Variants in FAM216A observed in about 807,000 individuals in gnomAD.
FAM216A encodes the protein protein FAM216A.
In FAM216A, 26 loss-of-function variants were observed where a neutral mutation model predicts 37.6. The observed-to-expected ratio is 0.69, with a 90% confidence interval of 0.51 to 0.96. FAM216A has a LOEUF of 0.96. Among genes scored for constraint, FAM216A ranks in the 40% least tolerant of loss-of-function variants. FAM216A has a pLI of 0.00. For synonymous variants in FAM216A, 110 were observed against 121.7 expected (o/e 0.90, Z 0.64); for missense variants, 326 against 339.3 (o/e 0.96, Z 0.31).
At chr12:110,487,678 T>C (rs2062784795) in intron 5 of FAM216A, 183 bp from the exon 6 acceptor site, 1 of 589,054 alleles carries the variant, frequency 1.7e-6, no homozygotes, top group Non-Finnish European at 3.0e-6. Flanking sequence ...GCAGCATGAG[T>C]ATTGAAATTG....
intron 2 of FAM216A, among the ~76,000 whole-genome samples, chr12:110,477,638 G>T (rs1189713947): frequency 6.6e-6 from 1 of 152,056 alleles, no homozygotes; most frequent in African/African-American, 2.4e-5. Flanking sequence ...TTACAGGCGT[G>T]AGTCAACGCG....
Position 110,487,948 on chromosome 12 carries a change from A to G in FAM216A, c.703+5A>G. 1 of 1,546,150 alleles carries G rather than the reference A, an allele frequency of 6.5e-7. No homozygotes were observed. The highest frequency in any genetic ancestry group is 2.2e-5 in the East Asian group (1 of 44,524). Reference sequence around the variant, plus strand: ...GGAAACTGTTCATGCAAACAGGTAAATGTGGAAATTTAACAATATTCATTT... The same window carrying G: ...GGAAACTGTTCATGCAAACAGGTAAGTGTGGAAATTTAACAATATTCATTT... On this transcript the variant is annotated splice_donor_5th_base_variant and intron_variant, in intron 6 of 6. Coordinates refer to ENST00000377673, the MANE Select transcript of FAM216A (RefSeq NM_013300.3).
At chr12:110,481,437 C>G (rs2062746424) in intron 2 of FAM216A, among the ~76,000 whole-genome samples, 1 of 152,110 alleles carries the variant, frequency 6.6e-6, no homozygotes, top group African/African-American at 2.4e-5. Context: ...CTCTGCCTGC[C>G]AGGTTCAAGT....
At chr12:110,474,971 A>T (rs1478512844) in intron 2 of FAM216A, among the ~76,000 whole-genome samples, 1 of 152,008 alleles carries the variant, frequency 6.6e-6, no homozygotes, top group East Asian at 1.9e-4. Flanking sequence ...CAGCCTGGGC[A>T]ACAAGAGTGA....
chr12:110,482,462 T>G (rs2062752646), intron 2 of FAM216A, among the ~76,000 whole-genome samples: 1 of 151,870 alleles, frequency 6.6e-6, no homozygotes, highest in African/African-American at 2.4e-5. Context: ...TATCAACAGG[T>G]ACATAATCAA....
chr12:110,469,355 G>A (rs909258744), intron 1 of FAM216A: 9 of 269,392 alleles, frequency 3.3e-5, no homozygotes, highest in African/African-American at 2.0e-4. Context: ...GCACAGGACT[G>A]TGTGTCCACC....
Position 110,486,899 on chromosome 12 carries a change from G to A in FAM216A, c.620+182G>A, listed in dbSNP as rs527918564. On this transcript the variant is annotated intron_variant, in intron 5 of 6. Coordinates refer to ENST00000377673, the MANE Select transcript of FAM216A (RefSeq NM_013300.3). Reference sequence around the variant, plus strand: ...GACTCCCAAGTAGCTAGGGCTAAAGGCACAAACCACCATGCCCTGCTAGTT... The same window carrying A: ...GACTCCCAAGTAGCTAGGGCTAAAGACACAAACCACCATGCCCTGCTAGTT... The A allele has an allele frequency of 4.7e-5, 27 of 575,668 alleles. No homozygotes were observed. The African/African-American group carries it at 4.9e-4, about 10-fold the overall frequency. 35.7% of individuals were successfully genotyped at this position (575,668 alleles called of 1,614,324 possible). A position where few individuals can be genotyped will look rare whatever the true frequency, so the allele number is the denominator to read the frequency against.
chr12:110,470,352 C>T (rs954934213), intron 1 of FAM216A, among the ~76,000 whole-genome samples: 4 of 151,984 alleles, frequency 2.6e-5, no homozygotes, highest in Admixed American at 1.3e-4. Context: ...CCCGCATGGC[C>T]GTCCTTTTTG....
intron 2 of FAM216A, among the ~76,000 whole-genome samples, chr12:110,481,571 C>G (rs1409797899): frequency 6.6e-6 from 1 of 151,582 alleles, no homozygotes; most frequent in African/African-American, 2.4e-5. Flanking sequence ...CCATGTTGCC[C>G]AGGCTTGGTC....
chr12:110,472,975 C>CAA (rs879057348), intron 1 of FAM216A, 103 bp from the exon 2 acceptor site: 1,440 of 87,076 alleles, frequency 0.017, 78 homozygotes, highest in African/African-American at 0.062. Flanking sequence ...GACCCTGTCT[C>CAA]AAAAAAAAAA....
intron 3 of FAM216A, among the ~76,000 whole-genome samples, chr12:110,485,555 A>G (rs995490415): frequency 2.0e-5 from 3 of 152,280 alleles, no homozygotes; most frequent in African/African-American, 7.2e-5. Flanking sequence ...AATTAAGAAG[A>G]AAGCAGGTAA....
chr12:110,468,546 C>T (rs1355070318), upstream of FAM216A: 2 of 1,537,154 alleles, frequency 1.3e-6, no homozygotes, highest in Admixed American at 3.9e-5. Flanking sequence ...TGCGTGCAGA[C>T]GTTTGACCTG....
chr12:110,479,142 C>T (rs2135547917), intron 2 of FAM216A, among the ~76,000 whole-genome samples: 1 of 144,990 alleles, frequency 6.9e-6, no homozygotes, highest in Middle Eastern at 3.5e-3. Context: ...TGAGCCTGGG[C>T]AACAGAGCGA....
chr12:110,472,841 G>A (rs1415688701), intron 1 of FAM216A, among the ~76,000 whole-genome samples: 2 of 151,132 alleles, frequency 1.3e-5, no homozygotes, highest in African/African-American at 4.9e-5. Context: ...AAATTAGCTG[G>A]GTGTAGCAGC....
intron 2 of FAM216A, among the ~76,000 whole-genome samples, chr12:110,476,595 T>G (rs2135545503): frequency 6.6e-6 from 1 of 151,976 alleles, no homozygotes; most frequent in South Asian, 2.1e-4. Flanking sequence ...TGCACAATCT[T>G]GGCTCACCGC....
intron 2 of FAM216A, among the ~76,000 whole-genome samples, chr12:110,484,200 G>A (rs374790078): frequency 1.1e-4 from 17 of 152,048 alleles, no homozygotes; most frequent in African/African-American, 3.4e-4. Flanking sequence ...AGGCTGAGGC[G>A]GAGGATCATG....
intron 5 of FAM216A, 87 bp from the exon 6 acceptor site, chr12:110,487,774 A>G (rs2062785172): frequency 1.3e-6 from 1 of 797,854 alleles, no homozygotes; most frequent in African/African-American, 1.7e-5. Flanking sequence ...GTTGGCAGCT[A>G]ATAAAACAAA....
intron 6 of FAM216A, among the ~76,000 whole-genome samples, chr12:110,489,612 G>A (rs2062799652): frequency 6.6e-6 from 1 of 152,146 alleles, no homozygotes; most frequent in Non-Finnish European, 1.5e-5. Flanking sequence ...AAGGGCAGGA[G>A]AGAAGGGGTA....
chr12:110,478,030 CATT>C (rs1350892496), intron 2 of FAM216A, among the ~76,000 whole-genome samples: 2 of 152,236 alleles, frequency 1.3e-5, no homozygotes, highest in Admixed American at 6.5e-5. Flanking sequence ...CTAATTCCAT[CATT>C]GATTCTACAT....
Sources: gnomAD v4.1 joint callset for allele counts (sites outside exome capture counted in the v4.1 genomes callset) on GRCh38, gnomAD v4.1.1 for gene constraint, MANE v1.5 for transcripts, NCBI Gene and HGNC (gene_info 2026-07-23, HGNC 2026-07-21) for gene names.